KIAA0825: variants seen among roughly 807,000 people sequenced by gnomAD.
The protein encoded by KIAA0825 is uncharacterized protein KIAA0825.
Under a neutral mutation model 147.6 loss-of-function variants are expected in KIAA0825, and 119 were observed. The observed-to-expected ratio is 0.81, with a 90% CI of 0.69 to 0.94. The LOEUF is 0.94. Ranked by LOEUF, KIAA0825 falls within the 40% of genes least tolerant of loss-of-function variation. The probability of loss-of-function intolerance (pLI) is 0.00; values close to 1 mark genes in which losing one functional copy is unlikely to be tolerated. For missense variants in KIAA0825, 1,381 were observed against 1,472.7 expected, an observed-to-expected ratio of 0.94 and a Z score of 1.02; for synonymous variants, 470 against 518.1, an observed-to-expected ratio of 0.91 and a Z score of 1.26.
chr5:94,395,872 C>T (rs1173268405), intron 17 of KIAA0825, among the ~76,000 whole-genome samples: 1 of 152,096 alleles, frequency 6.6e-6, no homozygotes, highest in East Asian at 1.9e-4. Context: ...GGTGACTAAA[C>T]AAGTATAATG....
At chr5:94,586,765 C>T (rs188228249) in intron 1 of KIAA0825, among the ~76,000 whole-genome samples, 102 of 152,292 alleles carry the variant, frequency 6.7e-4, no homozygotes, top group African/African-American at 2.2e-3. Context: ...ACCAATATCC[C>T]TGATGAACAT....
chr5:94,428,306 G>A (rs1017450927), intron 14 of KIAA0825, among the ~76,000 whole-genome samples: 46 of 151,940 alleles, frequency 3.0e-4, no homozygotes, highest in African/African-American at 1.0e-3. Flanking sequence ...TTGTTTGCTG[G>A]TTGCTTTGTA....
intron 20 of KIAA0825, among the ~76,000 whole-genome samples, chr5:94,343,438 C>G (rs1011219081): frequency 6.6e-6 from 1 of 152,164 alleles, no homozygotes; most frequent in African/African-American, 2.4e-5. Context: ...CACCTGTAAT[C>G]CCAGCACTTT....
At chr5:94,475,851 T>C (rs1761831127) in intron 7 of KIAA0825, among the ~76,000 whole-genome samples, 1 of 152,220 alleles carries the variant, frequency 6.6e-6, no homozygotes, top group South Asian at 2.1e-4. Context: ...TGAAAACCTT[T>C]ACTTATTCAA....
Position 94,465,060 on chromosome 5 carries a change from C to T in KIAA0825, c.1873-1G>A. 1 of 1,550,906 alleles carries T rather than the reference C, an allele frequency of 6.4e-7. No homozygotes were observed. Among genetic ancestry groups the T allele is most frequent in the Admixed American group, 2.0e-5 (1 of 50,980 alleles). On this transcript the variant is annotated splice_acceptor_variant, in intron 10 of 20. Coordinates refer to ENST00000682413, the MANE Select transcript of KIAA0825 (RefSeq NM_001145678.3). LOFTEE classifies it high-confidence loss of function. The stretch of plus-strand genomic sequence containing the variant: ...GGATCGAGAAGGAACATCTTTCCCC[C>T]TGGCAAAGCCAGCACACGTTAAACC...
intron 20 of KIAA0825, among the ~76,000 whole-genome samples, chr5:94,171,708 C>T (rs939876935): frequency 2.6e-5 from 4 of 151,920 alleles, no homozygotes; most frequent in African/African-American, 9.7e-5. Flanking sequence ...TTAATTAATA[C>T]CTCCATAATT....
chr5:94,547,736 C>CAAAAAAAAAAAAAAAAAAAAA (rs144612994), intron 2 of KIAA0825, among the ~76,000 whole-genome samples: 3 of 127,666 alleles, frequency 2.3e-5, no homozygotes, highest in African/African-American at 3.3e-5. Context: ...GACTCCCTTT[C>CAAAAAAAAAAAAAAAAAAAAA]AAAAAAAAAA....
chr5:94,165,744 C>T lies in KIAA0825; in HGVS notation c.3711-11620G>A, dbSNP rs546675744. On this transcript the variant is annotated intron_variant, in intron 20 of 20. Coordinates refer to ENST00000682413, the MANE Select transcript of KIAA0825 (RefSeq NM_001145678.3). The stretch of plus-strand genomic sequence containing the variant: ...AGATCATTATGTTAAGTGAAATAAG[C>T]CAGGCACGGAAAGACAAACATCACA... Among the ~76,000 whole-genome samples the T allele has an allele frequency of 3.3e-5, 5 of 152,158 alleles. No individual in the cohort carries two copies. The East Asian group carries it at 9.7e-4, about 29-fold the overall frequency.
At chr5:94,540,349 G>T (rs938747756) in intron 2 of KIAA0825, among the ~76,000 whole-genome samples, 3 of 152,172 alleles carry the variant, frequency 2.0e-5, no homozygotes, top group African/African-American at 7.2e-5. Flanking sequence ...AGATGGCCCA[G>T]CAAACTGTCA....
At chr5:94,577,283 C>T (rs1258840540) in intron 2 of KIAA0825, among the ~76,000 whole-genome samples, 8 of 151,982 alleles carry the variant, frequency 5.3e-5, no homozygotes, top group East Asian at 1.9e-4. Context: ...TGAATGGTTG[C>T]GAGCTACTAA....
chr5:94,610,723 C>T (rs1454500304), intron 1 of KIAA0825, among the ~76,000 whole-genome samples: 1 of 134,294 alleles, frequency 7.4e-6, no homozygotes, highest in African/African-American at 2.8e-5. Flanking sequence ...GAGATCCTTC[C>T]ACTGCACTCC....
At chr5:94,418,667 CTTTCTACTGGGGTTA>C (rs1753790030) in intron 14 of KIAA0825, among the ~76,000 whole-genome samples, 2 of 152,010 alleles carry the variant, frequency 1.3e-5, no homozygotes, top group African/African-American at 4.8e-5. Flanking sequence ...GCAGTGTTCT[CTTTCTACTGGGGTTA>C]TTAACCCCAG....
chr5:94,234,523 G>A (rs1774933992), intron 20 of KIAA0825, among the ~76,000 whole-genome samples: 1 of 152,316 alleles, frequency 6.6e-6, no homozygotes, highest in East Asian at 1.9e-4. Context: ...AAAGAAAAGT[G>A]GTTTAATTGG....
At chr5:94,588,030 C>T (rs1419497940) in intron 1 of KIAA0825, among the ~76,000 whole-genome samples, 1 of 151,766 alleles carries the variant, frequency 6.6e-6, no homozygotes, top group East Asian at 1.9e-4. Context: ...TTACATCTGA[C>T]CAAAAATTGA....
intron 20 of KIAA0825, among the ~76,000 whole-genome samples, chr5:94,157,132 A>C (rs562094769): frequency 6.6e-6 from 1 of 152,330 alleles, no homozygotes; most frequent in East Asian, 1.9e-4. Context: ...CAGAAACCAG[A>C]AAATGTTGGA....
intron 2 of KIAA0825, among the ~76,000 whole-genome samples, chr5:94,579,011 C>T (rs1781572232): frequency 6.6e-6 from 1 of 152,180 alleles, no homozygotes; most frequent in African/African-American, 2.4e-5. Context: ...CCTCTGCCTC[C>T]TGGGTTCAAG....
intron 13 of KIAA0825, among the ~76,000 whole-genome samples, chr5:94,452,249 C>A (rs140899778): frequency 1.2e-3 from 188 of 152,196 alleles, no homozygotes; most frequent in African/African-American, 4.4e-3. Flanking sequence ...TTTTCACACC[C>A]TCTATTTATG....
rs965925290 is a variant in KIAA0825, at chr5:94,356,225, T to C, written c.3710+28143A>G. On this transcript the variant is annotated intron_variant, in intron 20 of 20. Coordinates refer to ENST00000682413, the MANE Select transcript of KIAA0825 (RefSeq NM_001145678.3). ...AATATATAAATCATTTGGTCTTAGG[T>C]ATTAGCTTCCAGTTGTGCAAAAAGC... Among the ~76,000 whole-genome samples the C allele has an allele frequency of 2.6e-5, 4 of 152,154 alleles. No homozygotes were observed. The South Asian group carries it at 8.3e-4, about 31-fold the overall frequency.
intron 1 of KIAA0825, chr5:94,593,620 G>A (rs1287476023): frequency 6.2e-6 from 3 of 487,326 alleles, no homozygotes; most frequent in South Asian, 4.6e-5. Context: ...GCTAACCAAC[G>A]AGTAAGCCCT....
Sources: allele counts gnomAD v4.1 joint callset (sites outside exome capture counted in the v4.1 genomes callset), GRCh38; gene constraint gnomAD v4.1.1; transcripts MANE v1.5; gene names NCBI Gene and HGNC (gene_info 2026-07-23, HGNC 2026-07-21).